GOLGB1: variants seen among roughly 807,000 people sequenced by gnomAD.
GOLGB1 encodes golgin subfamily B member 1.
Under a neutral mutation model 336.9 loss-of-function variants are expected in GOLGB1, and 174 were observed. The ratio of observed to expected loss-of-function variants is 0.52; its 90% CI spans 0.46 to 0.59. The LOEUF (loss-of-function observed/expected upper bound fraction) is 0.59. Ranked by LOEUF, GOLGB1 falls within the 20% of genes least tolerant of loss-of-function variation. The pLI, the probability that GOLGB1 is intolerant of heterozygous loss-of-function variation, is 0.00. For missense variants in GOLGB1, 3,331 were observed against 3,645.3 expected (o/e 0.91, Z 2.22); for synonymous variants, 1,208 against 1,289.2 (o/e 0.94, Z 1.35).
intron 20 of GOLGB1, among the ~76,000 whole-genome samples, chr3:121,665,817 A>G (rs567441494): frequency 6.6e-6 from 1 of 152,284 alleles, no homozygotes. Context: ...TTCTGAAAGG[A>G]TATCTATTAG....
chr3:121,718,543 G>C, intron 7 of GOLGB1, 42 bp from the exon 8 acceptor site: 1 of 1,264,430 alleles, frequency 7.9e-7, no homozygotes, highest in Non-Finnish European at 1.2e-6. Flanking sequence ...TAACAAATGA[G>C]TGCTTGTATT....
At chr3:121,665,247 C>T (rs1938446640) in intron 20 of GOLGB1, among the ~76,000 whole-genome samples, 1 of 152,216 alleles carries the variant, frequency 6.6e-6, no homozygotes, top group African/African-American at 2.4e-5. Context: ...GAATTGACTG[C>T]CTACTCACTA....
intron 10 of GOLGB1, 58 bp from the exon 11 acceptor site, chr3:121,702,653 C>T (rs1049553270): frequency 2.7e-5 from 20 of 734,192 alleles, no homozygotes; most frequent in East Asian, 1.2e-4. Context: ...CTCACACTAA[C>T]GCCCAGATAG....
chr3:121,720,780 T>A (rs922976769), intron 6 of GOLGB1, among the ~76,000 whole-genome samples: 11 of 152,180 alleles, frequency 7.2e-5, no homozygotes, highest in African/African-American at 2.7e-4. Flanking sequence ...GCAGTTTTGC[T>A]CACACCGTTC....
At chr3:121,711,781 T>G (rs1944378419) in intron 10 of GOLGB1, among the ~76,000 whole-genome samples, 1 of 152,150 alleles carries the variant, frequency 6.6e-6, no homozygotes, top group Admixed American at 6.5e-5. Flanking sequence ...GTGCATAATT[T>G]CTCCAATGAA....
intron 6 of GOLGB1, 44 bp downstream of exon 6, chr3:121,722,218 A>C (rs746572783): frequency 1.9e-6 from 2 of 1,077,438 alleles, no homozygotes; most frequent in East Asian, 4.7e-5. Flanking sequence ...GTAATAACCC[A>C]CTGGACTTCA....
In GOLGB1 at chr3:121,698,168, T is replaced by C. The variant is rs764263727; in HGVS notation, c.2355A>G (p.Arg785=). ...EMNLAEAERQ[R]RLDYESQTAH... ...CAGTTTGGCTTTCATAATCAAGTCT[T>C]CTTTGCCTTTCTGCTTCTGCAAGGT... Residue 785 remains arginine, a synonymous_variant, in exon 13 of 22, where the codon AGA becomes AGG. Coordinates refer to ENST00000614479, the MANE Select transcript of GOLGB1 (RefSeq NM_001366282.2). The C allele has an allele frequency of 4.3e-6, 7 of 1,613,788 alleles. No homozygotes were observed. In the South Asian group the frequency reaches 6.6e-5, roughly 15 times the overall value.
Position 121,694,860 on chromosome 3 carries a change from T to G in GOLGB1, c.5663A>C (p.Glu1888Ala). The change falls in exon 13 of 22, where the codon GAA becomes GCA. Residue 1888 changes from glutamate (E) to alanine (A), a missense_variant. Physicochemically the swap from Glu to Ala is moderately radical, Grantham distance 107. Coordinates refer to ENST00000614479, the MANE Select transcript of GOLGB1 (RefSeq NM_001366282.2). ...LLSQISTKDG[E>A]LKMLQEEVTK... ...TACTTCCTCCTGAAGCATTTTTAGT[T>G]CACCATCCTTTGTTGATATCTGACT... 6.2e-7 allele frequency: 1 copy of G among 1,613,904 alleles called. No homozygotes were observed. The highest frequency in any genetic ancestry group is 8.5e-7 in the Non-Finnish European group (1 of 1,179,888).
chr3:121,736,983 G>A (rs1946517868), intron 1 of GOLGB1, among the ~76,000 whole-genome samples: 1 of 152,110 alleles, frequency 6.6e-6, no homozygotes, highest in African/African-American at 2.4e-5. Flanking sequence ...TGGAAAAAAT[G>A]GTGAAATCTG....
intron 15 of GOLGB1, among the ~76,000 whole-genome samples, chr3:121,679,380 T>C (rs1380747945): frequency 6.6e-6 from 1 of 152,168 alleles, no homozygotes; most frequent in Non-Finnish European, 1.5e-5. Flanking sequence ...AGAAAGATGG[T>C]GGCAAACCAG....
chr3:121,734,204 A>T (rs1409969282), intron 1 of GOLGB1, among the ~76,000 whole-genome samples: 3 of 152,102 alleles, frequency 2.0e-5, no homozygotes, highest in African/African-American at 7.2e-5. Flanking sequence ...AGCCTGGCCA[A>T]CATGGCAAAA....
At chr3:121,690,219 C>A (rs1414617854) in intron 14 of GOLGB1, among the ~76,000 whole-genome samples, 1 of 152,076 alleles carries the variant, frequency 6.6e-6, no homozygotes, top group Non-Finnish European at 1.5e-5. Flanking sequence ...TGAACTGAGT[C>A]CTTTCTGCTC....
At chr3:121,738,572 G>A (rs1214242139) in intron 1 of GOLGB1, among the ~76,000 whole-genome samples, 7 of 152,118 alleles carry the variant, frequency 4.6e-5, no homozygotes, top group South Asian at 4.1e-4. Flanking sequence ...TGGCAAATGC[G>A]CCAAGCCAAT....
chr3:121,668,232 C>A, intron 18 of GOLGB1, 74 bp from the exon 19 acceptor site: 2 of 822,282 alleles, frequency 2.4e-6, no homozygotes, highest in South Asian at 1.6e-5. Context: ...AATGAGAGCT[C>A]GTTTACAGAG....
rs375748195 is a variant in GOLGB1, at chr3:121,730,916, T to A, written c.56A>T (p.Asp19Val). ...CCTCATATTCTGATCAGTGTCATCATCTCCTGATAATTCATGCAAAACAAC... is the reference window on the plus strand; with the variant it reads ...CCTCATATTCTGATCAGTGTCATCAACTCCTGATAATTCATGCAAAACAAC... The part of the protein sequence containing the change: ...ANVVLHELSG[D>V]DDTDQNMRAP... Residue 19 changes from aspartate (D) to valine (V), a missense_variant, in exon 2 of 22, where the codon GAT (aspartate) becomes GTT (valine). Asp to Val is a radical substitution (Grantham distance 152). Coordinates refer to ENST00000614479, the MANE Select transcript of GOLGB1 (RefSeq NM_001366282.2). 1 of 1,612,226 alleles carries A rather than the reference T, an allele frequency of 6.2e-7. No homozygotes were observed.
chr3:121,700,092 T>C (rs1027798906), intron 11 of GOLGB1, among the ~76,000 whole-genome samples: 3 of 152,088 alleles, frequency 2.0e-5, no homozygotes, highest in African/African-American at 7.2e-5. Context: ...GTGATGATAA[T>C]GAACCTGAAT....
At chr3:121,679,292 C>T (rs1184441047) in intron 15 of GOLGB1, among the ~76,000 whole-genome samples, 1 of 152,128 alleles carries the variant, frequency 6.6e-6, no homozygotes, top group Non-Finnish European at 1.5e-5. Flanking sequence ...CAATCCCAAG[C>T]ATTTCAGATA....
chr3:121,742,482 A>C (rs1946940806), intron 1 of GOLGB1, among the ~76,000 whole-genome samples: 1 of 152,222 alleles, frequency 6.6e-6, no homozygotes, highest in Non-Finnish European at 1.5e-5. Context: ...TGGATTAAAG[A>C]CTTAAATGTT....
intron 1 of GOLGB1, among the ~76,000 whole-genome samples, chr3:121,742,455 C>T (rs1946938807): frequency 6.6e-6 from 1 of 152,126 alleles, no homozygotes; most frequent in Admixed American, 6.5e-5. Flanking sequence ...GCACCTTATA[C>T]AAAAATTAAT....
Sources: gnomAD v4.1 joint callset for allele counts (sites outside exome capture counted in the v4.1 genomes callset) on GRCh38, gnomAD v4.1.1 for gene constraint, MANE v1.5 for transcripts, NCBI Gene and HGNC (gene_info 2026-07-23, HGNC 2026-07-21) for gene names.